Variants in SHANK1 observed in about 807,000 individuals in gnomAD.
SHANK1 encodes SH3 and multiple ankyrin repeat domains protein 1.
A neutral mutation model predicts 165.6 loss-of-function variants in SHANK1; 35 were observed. The ratio of observed to expected loss-of-function variants is 0.21; its 90% CI spans 0.16 to 0.28. The LOEUF is 0.28. Among genes scored for constraint, SHANK1 ranks in the 10% least tolerant of loss-of-function variants. The pLI, the probability that SHANK1 is intolerant of heterozygous loss-of-function variation, is 1.00. For synonymous variants in SHANK1, 1,428 were observed against 1,384.8 expected (o/e 1.03, Z -0.69); for missense variants, 2,681 against 3,036.4 (o/e 0.88, Z 2.75).
rs560169395 is a variant in SHANK1, at chr19:50,708,767, T to C, written c.1077+2604A>G. On this transcript the variant is annotated intron_variant, in intron 8 of 23. Transcript: ENST00000293441. ...TGGAAATCCAAGAGGGCTGACCCCA[T>C]CATTCATTCACTCATTTTCATTCAT... Among the ~76,000 whole-genome samples the C allele has an allele frequency of 2.6e-5, 4 of 152,308 alleles. No individual in the cohort carries two copies. The South Asian group carries it at 8.3e-4, about 32-fold the overall frequency.
At chr19:50,694,773 G>A (rs1304936058) in intron 15 of SHANK1, among the ~76,000 whole-genome samples, 3 of 149,568 alleles carry the variant, frequency 2.0e-5, no homozygotes, top group African/African-American at 7.4e-5. Context: ...GAAGAGGAGC[G>A]GAGGGGAAGG....
chr19:50,688,936 G>C lies in SHANK1; in HGVS notation c.2080C>G (p.Pro694Ala). Residue 694 changes from proline (P) to alanine (A), a missense_variant, in exon 17 of 24, where the codon CCG becomes GCG. Transcript: ENST00000293441. The surrounding 1 kb of genome is among the most constrained non-coding windows in gnomAD (Gnocchi z 6.7). Reference protein sequence around the residue: ...QTPIEEFTPTPAFPALQYLES... With the variant: ...QTPIEEFTPTAAFPALQYLES... ...AGGTACTGCAGCGCCGGGAAGGCCGGGGTGGGGGTGAACTCCTCGATGGGG... is the reference window on the plus strand; with the variant it reads ...AGGTACTGCAGCGCCGGGAAGGCCGCGGTGGGGGTGAACTCCTCGATGGGG... 6.4e-7 allele frequency: 1 copy of C among 1,557,324 alleles called. No homozygotes were observed. Among genetic ancestry groups the C allele is most frequent in the East Asian group, 2.4e-5 (1 of 41,348 alleles).
intron 18 of SHANK1, 40 bp from the exon 19 acceptor site, chr19:50,687,702 A>G: frequency 7.1e-7 from 1 of 1,415,996 alleles, no homozygotes. Flanking sequence ...ATCATGGGGG[A>G]GATGCCCCCA....
At chr19:50,695,528 C>G (rs1399997773) in intron 15 of SHANK1, among the ~76,000 whole-genome samples, 1 of 151,622 alleles carries the variant, frequency 6.6e-6, no homozygotes, top group African/African-American at 2.4e-5. Context: ...CCCCTTAATC[C>G]CCCTCCCCCC....
chr19:50,681,035 A>AC (rs1010083356), intron 21 of SHANK1, among the ~76,000 whole-genome samples: 13 of 151,372 alleles, frequency 8.6e-5, no homozygotes, highest in African/African-American at 3.2e-4. Context: ...GGGGTACTGC[A>AC]CCCCCCACCC....
Position 50,667,403 on chromosome 19 carries a change from C to T in SHANK1, c.4557G>A (p.Pro1519=), listed in dbSNP as rs1307052498. ...GPPSEDGPGV[P]PPSPRRSVPP... ...GCACGGACCGGCGTGGGCTGGGCGGCGGGACCCCCGGCCCGTCCTCCGAGG... is the reference window on the plus strand; with the variant it reads ...GCACGGACCGGCGTGGGCTGGGCGGTGGGACCCCCGGCCCGTCCTCCGAGG... Residue 1519 remains proline, a synonymous_variant, in exon 23 of 24, where the codon CCG becomes CCA. Transcript: ENST00000293441. The surrounding 1 kb of genome is among the most constrained non-coding windows in gnomAD (Gnocchi z 5.7). 2 of 1,515,956 alleles carry T rather than the reference C, an allele frequency of 1.3e-6. No individual in the cohort carries two copies. The highest frequency in any genetic ancestry group is 1.4e-5 in the African/African-American group (1 of 73,132). 93.9% of individuals were successfully genotyped at this position (1,515,956 alleles called of 1,614,324 possible).
In SHANK1 at chr19:50,668,888, G is replaced by C. The variant is rs1471424074; in HGVS notation, c.3072C>G (p.Pro1024=). 8 of 1,303,762 alleles carry C rather than the reference G, an allele frequency of 6.1e-6. No individual in the cohort carries two copies. Among genetic ancestry groups the C allele is most frequent in the Non-Finnish European group, 7.8e-6 (8 of 1,031,038 alleles). 80.8% of individuals were successfully genotyped at this position (1,303,762 alleles called of 1,614,324 possible). A position where few individuals can be genotyped will look rare whatever the true frequency, so the allele number is the denominator to read the frequency against. The change falls in exon 23 of 24, where the codon CCC becomes CCG. Residue 1024 remains proline, a synonymous_variant. Coordinates refer to ENST00000293441, the MANE Select transcript of SHANK1 (RefSeq NM_016148.5). ...HHHHAHPPHP[P]EMETGGSPDD... is the part of the protein sequence containing the mutation. The stretch of plus-strand genomic sequence containing the variant: ...CGGGAGAGCCGCCTGTCTCCATCTC[G>C]GGAGGATGAGGGGGGTGGGCGTGGT...
chr19:50,681,756 T>C (rs1986188644), intron 21 of SHANK1, among the ~76,000 whole-genome samples: 1 of 152,210 alleles, frequency 6.6e-6, no homozygotes, highest in South Asian at 2.1e-4. Context: ...CTTTCTAGTT[T>C]ATTTTATTTC....
chr19:50,716,399 T>C lies in SHANK1; in HGVS notation c.335A>G (p.Gln112Arg). Reference protein sequence around the residue: ...QVLCALSESLQDVLNYGLFQP... With the variant: ...QVLCALSESLRDVLNYGLFQP... The stretch of plus-strand genomic sequence containing the variant: ...GAACAGGCCATAGTTGAGCACATCC[T>C]GCAGGCTCTCGCTCAGGGCACAGAG... Residue 112 changes from glutamine to arginine, a missense_variant, in exon 3 of 24, where the codon CAG becomes CGG. This residue lies in a region of SHANK1 where 189 missense variants were observed against 440.9 expected (regional missense o/e 0.43). Coordinates refer to ENST00000293441, the MANE Select transcript of SHANK1 (RefSeq NM_016148.5). This position sits in a 1 kb window ranked among gnomAD's most constrained non-coding sequence, Gnocchi z 8.4. 1 of 1,614,216 alleles carries C rather than the reference T, an allele frequency of 6.2e-7. No individual in the cohort carries two copies. The highest frequency in any genetic ancestry group is 8.5e-7 in the Non-Finnish European group (1 of 1,180,030).
intron 15 of SHANK1, among the ~76,000 whole-genome samples, chr19:50,695,475 T>C (rs1225373015): frequency 1.4e-5 from 2 of 138,530 alleles, no homozygotes; most frequent in East Asian, 4.2e-4. Context: ...GGGGCGAGGC[T>C]TGGAGGGGGG....
intron 21 of SHANK1, among the ~76,000 whole-genome samples, chr19:50,683,043 T>G (rs4239491): frequency 0.82 from 123,995 of 152,138 alleles, 51,206 homozygotes; most frequent in African/African-American, 0.89. Context: ...TGTTGCCCAC[T>G]CTGGTCTCGA....
At chr19:50,671,978 C>A in intron 22 of SHANK1, 40 bp downstream of exon 22, 2 of 1,470,854 alleles carry the variant, frequency 1.4e-6, no homozygotes, top group Non-Finnish European at 1.9e-6. Context: ...ACGTTCCTGG[C>A]CTCCCCCAGC....
chr19:50,661,797 C>T lies in SHANK1; in HGVS notation c.*168G>A, dbSNP rs1027480252. On this transcript the variant is annotated 3_prime_UTR_variant, in exon 24 of 24. Coordinates refer to ENST00000293441, the MANE Select transcript of SHANK1 (RefSeq NM_016148.5). ...CCCCCTTCAGTGAGGTGCAAATGTC[C>T]GGCCTGGATTGGGCCACCTGGTGAC... is the stretch of plus-strand genomic sequence containing the variant. 30 of 671,508 alleles carry T rather than the reference C, an allele frequency of 4.5e-5. No individual in the cohort carries two copies. The highest frequency in any genetic ancestry group is 1.3e-4 in the South Asian group (7 of 54,260). The allele number at this position is 671,508 out of a possible 1,614,324, so 41.6% of individuals were successfully genotyped here.
rs1418370652 is a variant in SHANK1 at position 50,717,818 on chromosome 19, T to C, written c.-43-856A>G. On this transcript the variant is annotated intron_variant, in intron 1 of 23. Coordinates refer to ENST00000293441, the MANE Select transcript of SHANK1 (RefSeq NM_016148.5). The surrounding 1 kb of genome is among the most constrained non-coding windows in gnomAD (Gnocchi z 5.5). ...GTGGGTGGGCTGGCTTGCTGGGTACTAGGGGCTCCACTCTGAGGACTGGGG... is the reference window on the plus strand; with the variant it reads ...GTGGGTGGGCTGGCTTGCTGGGTACCAGGGGCTCCACTCTGAGGACTGGGG... Among the ~76,000 whole-genome samples, 3 of 151,948 alleles carry C rather than the reference T, an allele frequency of 2.0e-5. No individual in the cohort carries two copies. The highest frequency in any genetic ancestry group is 7.3e-5 in the African/African-American group (3 of 41,348).
In SHANK1 at chr19:50,716,734, C is replaced by T. The variant is rs2089073957; in HGVS notation, c.186G>A (p.Met62Ile). ...ASVRGLQGRS[M>I]SVPDDAHFSM... ...TGAAGTGGGCGTCGTCTGGGACGGACATTGAGCGGCCCTGGAGGCCTCTAA... is the reference window on the plus strand; with the variant it reads ...TGAAGTGGGCGTCGTCTGGGACGGATATTGAGCGGCCCTGGAGGCCTCTAA... The change falls in exon 2 of 24, where the codon ATG becomes ATA. Residue 62 changes from methionine (M) to isoleucine (I), a missense_variant. Physicochemically the swap from Met to Ile is conservative, Grantham distance 10. Transcript: ENST00000293441. This position sits in a 1 kb window ranked among gnomAD's most constrained non-coding sequence, Gnocchi z 8.4. The T allele has an allele frequency of 1.9e-6, 3 of 1,607,890 alleles. No homozygotes were observed. Among genetic ancestry groups the T allele is most frequent in the Non-Finnish European group, 2.5e-6 (3 of 1,177,178 alleles).
At position 50,659,826 on chromosome 19, in the gene SHANK1, C is replaced by T. The variant is rs1033350011; in HGVS notation, c.*2139G>A. Among the ~76,000 whole-genome samples the T allele has an allele frequency of 8.0e-6, 1 of 125,714 alleles. No homozygotes were observed. Among genetic ancestry groups the T allele is most frequent in the Non-Finnish European group, 1.6e-5 (1 of 61,674 alleles). The allele number at this position is 125,714 out of a possible 152,430, so 82.5% of individuals were successfully genotyped here. A position where few individuals can be genotyped will look rare whatever the true frequency, so the allele number is the denominator to read the frequency against. On this transcript the variant is annotated 3_prime_UTR_variant, in exon 24 of 24. Transcript: ENST00000293441. ...CCCCGCGGCACCCATCCAGAATGAA[C>T]GAGCCCTTGATAGACGGGCGCCGCG...
At chr19:50,715,846 G>T in intron 3 of SHANK1, 116 bp from the exon 4 acceptor site, 1 of 1,018,580 alleles carries the variant, frequency 9.8e-7, no homozygotes, top group South Asian at 1.3e-5. Context: ...GGGTAGCTCA[G>T]GGTGGGAGTG....
intron 21 of SHANK1, among the ~76,000 whole-genome samples, chr19:50,679,195 G>A (rs543041118): frequency 4.0e-5 from 6 of 149,480 alleles, no homozygotes; most frequent in South Asian, 2.2e-4. Flanking sequence ...TCAGTGTGAC[G>A]GGGAGGGGTC....
intron 21 of SHANK1, among the ~76,000 whole-genome samples, chr19:50,685,098 G>C (rs1986292230): frequency 6.6e-6 from 1 of 152,210 alleles, no homozygotes; most frequent in African/African-American, 2.4e-5. Flanking sequence ...ATGGGGACTG[G>C]GCAGAGAAGA....
Sources: gnomAD v4.1 joint callset for allele counts (sites outside exome capture counted in the v4.1 genomes callset) on GRCh38, gnomAD v4.1.1 for gene constraint, gnomAD v4.1.1 regional missense constraint, Gnocchi (gnomAD v3.1) non-coding constraint, MANE v1.5 for transcripts, NCBI Gene and HGNC (gene_info 2026-07-23, HGNC 2026-07-21) for gene names.